CDK13: variants seen among roughly 807,000 people sequenced by gnomAD.
The protein encoded by CDK13 is cyclin-dependent kinase 13.
CDK13 carries 40 observed loss-of-function variants against 137.6 expected under a neutral mutation model. That is an observed-to-expected ratio of 0.29 (90% CI 0.23 to 0.38). CDK13 has a LOEUF of 0.38. Ranked by LOEUF, CDK13 falls within the 10% of genes least tolerant of loss-of-function variation. CDK13 has a pLI of 1.00. For missense variants in CDK13, 1,704 were observed against 1,951.8 expected (o/e 0.87, Z 2.39); for synonymous variants, 869 against 760.1 (o/e 1.14, Z -2.36).
intron 6 of CDK13, among the ~76,000 whole-genome samples, chr7:40,047,417 A>G (rs1785771785): frequency 6.6e-6 from 1 of 152,182 alleles, no homozygotes. Context: ...TAAACAAATT[A>G]AAAGTGATGT....
At chr7:40,051,228 T>C (rs2150519774) in intron 7 of CDK13, among the ~76,000 whole-genome samples, 1 of 151,988 alleles carries the variant, frequency 6.6e-6, no homozygotes, top group Admixed American at 6.6e-5. Flanking sequence ...AAATATCCTA[T>C]CATTATGGGG....
chr7:39,962,590 C>G (rs1235313610), intron 1 of CDK13, among the ~76,000 whole-genome samples: 1 of 152,106 alleles, frequency 6.6e-6, no homozygotes, highest in African/African-American at 2.4e-5. Context: ...GTTGCCTGTT[C>G]ACTCTGATGG....
chr7:40,050,942 GC>G (rs1203412661), intron 7 of CDK13, among the ~76,000 whole-genome samples: 1 of 152,140 alleles, frequency 6.6e-6, no homozygotes, highest in Non-Finnish European at 1.5e-5. Context: ...TTTCAGAAAA[GC>G]TGATTATAAA....
intron 1 of CDK13, among the ~76,000 whole-genome samples, chr7:39,973,436 T>G (rs986455527): frequency 2.0e-5 from 3 of 152,198 alleles, no homozygotes; most frequent in Admixed American, 6.5e-5. Flanking sequence ...ATGCCTGGCC[T>G]TCTTTGCCCA....
chr7:40,020,653 A>G (rs1785097825), intron 5 of CDK13, among the ~76,000 whole-genome samples: 1 of 152,244 alleles, frequency 6.6e-6, no homozygotes, highest in African/African-American at 2.4e-5. Context: ...TGGCAGTTCA[A>G]TGGAATATTC....
chr7:39,987,271 T>A (rs1252225517), intron 1 of CDK13: 1 of 184,576 alleles, frequency 5.4e-6, no homozygotes, highest in Non-Finnish European at 1.1e-5. Flanking sequence ...TTTGTCAGAC[T>A]TTACCCTGCT....
Position 40,092,926 on chromosome 7 carries a change from T to A in CDK13, c.3377T>A (p.Leu1126Gln). The A allele has an allele frequency of 6.2e-7, 1 of 1,614,124 alleles. No homozygotes were observed. The highest frequency in any genetic ancestry group is 8.5e-7 in the Non-Finnish European group (1 of 1,180,006). Residue 1126 changes from leucine to glutamine, a missense_variant, in exon 13 of 14, where the codon CTA becomes CAA. Leu to Gln is a moderately radical substitution (Grantham distance 113). Transcript: ENST00000181839. ...GTAAACTCTGAGACTCAACAGCAGC[T>A]AAATAAAATAAACCTTCCTGCTGGA... ...IKVNSETQQQLNKINLPAGIL... is the reference protein window; with the variant it reads ...IKVNSETQQQQNKINLPAGIL...
chr7:39,979,104 C>T (rs904247747), intron 1 of CDK13, among the ~76,000 whole-genome samples: 9 of 151,778 alleles, frequency 5.9e-5, no homozygotes, highest in African/African-American at 2.2e-4. Context: ...ATGTAATAAT[C>T]GCTGAACAGT....
chr7:40,078,970 A>T, intron 11 of CDK13, 119 bp downstream of exon 11: 1 of 308,888 alleles, frequency 3.2e-6, no homozygotes, highest in Non-Finnish European at 5.0e-6. Flanking sequence ...AAATATAATA[A>T]AGGAAAGATA....
At chr7:40,041,785 A>T (rs1486241215) in intron 5 of CDK13, among the ~76,000 whole-genome samples, 1 of 152,218 alleles carries the variant, frequency 6.6e-6, no homozygotes, top group African/African-American at 2.4e-5. Flanking sequence ...AACATTTTTC[A>T]AAGTTACATG....
intron 7 of CDK13, among the ~76,000 whole-genome samples, chr7:40,057,444 G>A (rs1786045367): frequency 2.6e-5 from 4 of 152,170 alleles, no homozygotes; most frequent in Admixed American, 2.0e-4. Context: ...AGGGAGGAGA[G>A]TAATGAGCCA....
intron 3 of CDK13, 71 bp from the exon 4 acceptor site, chr7:39,999,290 A>G (rs1291566769): frequency 2.4e-6 from 3 of 1,269,444 alleles, no homozygotes; most frequent in Non-Finnish European, 3.3e-6. Flanking sequence ...TGGCGAGTAG[A>G]TATTGAGTTA....
At position 39,987,651 on chromosome 7, in the gene CDK13, T is replaced by C; in HGVS notation, c.1264T>C (p.Ser422Pro). 6.2e-7 allele frequency: 1 copy of C among 1,612,374 alleles called. No individual in the cohort carries two copies. Among genetic ancestry groups the C allele is most frequent in the South Asian group, 1.1e-5 (1 of 90,582 alleles). The change falls in exon 2 of 14, where the codon TCT (serine) becomes CCT (proline). Residue 422 changes from serine to proline, a missense_variant. Physicochemically the swap from Ser to Pro is moderately conservative, Grantham distance 74. Around this residue, in one of 5 missense-constraint regions of CDK13, gnomAD observed 1,051 missense variants for 931.0 expected, o/e 1.13. Transcript: ENST00000181839. ...RSPYSSRHSRSRSRHRLSRSR... is the reference protein window; with the variant it reads ...RSPYSSRHSRPRSRHRLSRSR... ...CCCGTATTCATCTAGGCATTCAAGATCTCGTAGCAGGCACAGATTGTCTAG... is the reference window on the plus strand; with the variant it reads ...CCCGTATTCATCTAGGCATTCAAGACCTCGTAGCAGGCACAGATTGTCTAG...
At chr7:40,074,260 C>T (rs1448939499) in intron 9 of CDK13, among the ~76,000 whole-genome samples, 1 of 152,150 alleles carries the variant, frequency 6.6e-6, no homozygotes, top group Admixed American at 6.5e-5. Context: ...CGGTGGCTCA[C>T]GCCCATAATC....
At chr7:40,027,420 G>C (rs1785267036) in intron 5 of CDK13, among the ~76,000 whole-genome samples, 2 of 152,020 alleles carry the variant, frequency 1.3e-5, no homozygotes, top group Non-Finnish European at 2.9e-5. Context: ...TAGATTTTTT[G>C]GTACTAAATC....
At chr7:40,056,732 G>T (rs537450691) in intron 7 of CDK13, among the ~76,000 whole-genome samples, 6 of 152,340 alleles carry the variant, frequency 3.9e-5, no homozygotes, top group African/African-American at 1.2e-4. Context: ...GGCACAGGTA[G>T]TGGAAAGACA....
intron 7 of CDK13, among the ~76,000 whole-genome samples, chr7:40,055,016 A>T (rs186142011): frequency 3.9e-5 from 6 of 152,256 alleles, no homozygotes; most frequent in Admixed American, 2.6e-4. Flanking sequence ...TCTCTATTTT[A>T]AAAAAAGTAG....
chr7:40,077,884 G>T, intron 9 of CDK13, 121 bp from the exon 10 acceptor site: 1 of 529,418 alleles, frequency 1.9e-6, no homozygotes, highest in Non-Finnish European at 3.4e-6. Flanking sequence ...AATAACAAAA[G>T]TTTTTATAGA....
At chr7:40,047,734 A>C (rs1288176233) in intron 6 of CDK13, 87 bp from the exon 7 acceptor site, 2 of 810,854 alleles carry the variant, frequency 2.5e-6, no homozygotes, top group Admixed American at 2.2e-5. Context: ...TTTTTTTTTT[A>C]ATCAGTTCTA....
Sources: allele counts gnomAD v4.1 joint callset (sites outside exome capture counted in the v4.1 genomes callset), GRCh38; gene constraint gnomAD v4.1.1; regional missense constraint gnomAD v4.1.1; transcripts MANE v1.5; gene names NCBI Gene and HGNC (gene_info 2026-07-23, HGNC 2026-07-21).